The following RBFOX1 variants were observed in gnomAD, a reference collection of about 807,000 sequenced individuals.
RBFOX1 encodes RNA binding protein fox-1 homolog 1.
A neutral mutation model predicts 57.7 loss-of-function variants in RBFOX1; 8 were observed. The ratio of observed to expected loss-of-function variants is 0.14; its 90% CI spans 0.08 to 0.25. The LOEUF (loss-of-function observed/expected upper bound fraction) is 0.25, where lower values mean the gene tolerates loss of function less well. Among genes scored for constraint, RBFOX1 ranks in the 10% least tolerant of loss-of-function variants. The pLI, the probability that RBFOX1 is intolerant of heterozygous loss-of-function variation, is 1.00. For synonymous variants in RBFOX1, 326 were observed against 222.4 expected (o/e 1.47, Z -4.15); for missense variants, 611 against 548.5 (o/e 1.11, Z -1.14).
At chr16:7,450,478 G>A (rs1302840749) in intron 4 of RBFOX1, among the ~76,000 whole-genome samples, 1 of 151,038 alleles carries the variant, frequency 6.6e-6, no homozygotes, top group East Asian at 2.0e-4. Context: ...CTATACCACT[G>A]TGAATGTTAA....
intron 4 of RBFOX1, among the ~76,000 whole-genome samples, chr16:7,199,614 G>C (rs1386006783): frequency 6.6e-6 from 1 of 152,118 alleles, no homozygotes. Context: ...AAAAAGGCTG[G>C]GCAGTGCAGT....
intron 3 of RBFOX1, among the ~76,000 whole-genome samples, chr16:5,849,384 G>GT (rs1386666222): frequency 6.6e-6 from 1 of 152,038 alleles, no homozygotes; most frequent in Non-Finnish European, 1.5e-5. Flanking sequence ...CTTCCTCAAG[G>GT]TGTAGGAAAG....
chr16:6,904,310 C>A (rs1283790914), intron 3 of RBFOX1, among the ~76,000 whole-genome samples: 1 of 151,978 alleles, frequency 6.6e-6, no homozygotes, highest in African/African-American at 2.4e-5. Flanking sequence ...TGAAACCCAT[C>A]CATCTTTAGG....
At chr16:7,078,669 C>G (rs1216220245) in intron 4 of RBFOX1, among the ~76,000 whole-genome samples, 1 of 149,312 alleles carries the variant, frequency 6.7e-6, no homozygotes, top group Non-Finnish European at 1.5e-5. Flanking sequence ...TTTATTTTAT[C>G]TTATTTTATT....
rs893848103 is a variant in RBFOX1 at position 6,097,878 on chromosome 16, C to A, written c.-127+77886C>A. 2.6e-5 allele frequency among the ~76,000 whole-genome samples: 4 copies of A among 151,816 alleles called. No individual in the cohort carries two copies. Among genetic ancestry groups the A allele is most frequent in the African/African-American group, 9.7e-5 (4 of 41,306 alleles). On this transcript the variant is annotated intron_variant, in intron 1 of 15. Coordinates refer to ENST00000550418, the MANE Select transcript of RBFOX1 (RefSeq NM_018723.4). This position sits in a 1 kb window ranked among gnomAD's most constrained non-coding sequence, Gnocchi z 5.0. ...GGGGACGTGTCTGATTTGTGCATGG[C>A]TATTTTGCGATTTGCCATTGCTGGA... is the stretch of plus-strand genomic sequence containing the variant.
intron 1 of RBFOX1, among the ~76,000 whole-genome samples, chr16:5,335,786 G>A (rs912616552): frequency 6.6e-6 from 1 of 152,108 alleles, no homozygotes; most frequent in African/African-American, 2.4e-5. Context: ...CTGGTACCTC[G>A]TGGGTGTTCA....
At chr16:6,022,254 GT>G (rs35357946) in intron 1 of RBFOX1, among the ~76,000 whole-genome samples, 114,473 of 149,280 alleles carry the variant, frequency 0.77, 43,913 homozygotes, top group African/African-American at 0.82. Context: ...TAGCAAATCT[GT>G]TTTTTTTTTT....
intron 4 of RBFOX1, among the ~76,000 whole-genome samples, chr16:7,077,892 G>A (rs921301461): frequency 1.3e-5 from 2 of 152,130 alleles, no homozygotes; most frequent in African/African-American, 4.8e-5. Flanking sequence ...TAAGCAACTT[G>A]AGATTGTGCT....
chr16:6,569,450 A>C (rs1327730028), intron 2 of RBFOX1, among the ~76,000 whole-genome samples: 1 of 152,194 alleles, frequency 6.6e-6, no homozygotes, highest in Non-Finnish European at 1.5e-5. Context: ...GGATTATCCC[A>C]CAGCTAATCA....
At chr16:6,709,880 G>A (rs111690248) in intron 3 of RBFOX1, among the ~76,000 whole-genome samples, 102 of 152,238 alleles carry the variant, frequency 6.7e-4, no homozygotes, top group Non-Finnish European at 1.2e-3. Flanking sequence ...GAGAGGGAAC[G>A]GCCGGGGGCT....
intron 4 of RBFOX1, among the ~76,000 whole-genome samples, chr16:7,470,705 TG>T (rs1206983503): frequency 6.6e-6 from 1 of 151,848 alleles, no homozygotes; most frequent in Non-Finnish European, 1.5e-5. Context: ...AATATATAGA[TG>T]GGGGGAAAGA....
intron 3 of RBFOX1, among the ~76,000 whole-genome samples, chr16:6,878,249 C>G (rs1031935298): frequency 1.3e-5 from 2 of 152,162 alleles, no homozygotes; most frequent in African/African-American, 4.8e-5. Context: ...CTGAGCACTG[C>G]TTGAAGTTCT....
chr16:7,086,296 G>T, intron 4 of RBFOX1, among the ~76,000 whole-genome samples: 1 of 152,154 alleles, frequency 6.6e-6, no homozygotes, highest in Non-Finnish European at 1.5e-5. Flanking sequence ...TTTTCTCTGT[G>T]TGCCATGTAA....
chr16:6,093,703 C>G (rs1310775949), intron 1 of RBFOX1, among the ~76,000 whole-genome samples: 1 of 152,048 alleles, frequency 6.6e-6, no homozygotes, highest in Non-Finnish European at 1.5e-5. Flanking sequence ...CTCCCTGCAG[C>G]CTTAACCTCC....
intron 3 of RBFOX1, among the ~76,000 whole-genome samples, chr16:7,017,960 C>T (rs1269706551): frequency 6.6e-6 from 1 of 152,128 alleles, no homozygotes; most frequent in Non-Finnish European, 1.5e-5. Context: ...ATTAGGTGTG[C>T]CCCCTTTCTC....
At chr16:7,036,516 C>T (rs988286794) in intron 3 of RBFOX1, among the ~76,000 whole-genome samples, 13 of 151,790 alleles carry the variant, frequency 8.6e-5, no homozygotes, top group Non-Finnish European at 1.8e-4. Context: ...TGAGACCAGC[C>T]TGGGTGTCTG....
intron 1 of RBFOX1, among the ~76,000 whole-genome samples, chr16:6,114,999 A>G (rs976628609): frequency 4.6e-5 from 7 of 152,136 alleles, no homozygotes; most frequent in African/African-American, 1.7e-4. Context: ...GGGGTGGGTT[A>G]TTTAGAACTT....
chr16:6,514,613 G>T (rs116947992), intron 2 of RBFOX1, among the ~76,000 whole-genome samples: 23 of 152,126 alleles, frequency 1.5e-4, no homozygotes, highest in African/African-American at 4.3e-4. Context: ...CCACGCATTT[G>T]TGTACCCCTC....
At chr16:7,336,206 C>T (rs2096783936) in intron 4 of RBFOX1, among the ~76,000 whole-genome samples, 1 of 152,192 alleles carries the variant, frequency 6.6e-6, no homozygotes, top group African/African-American at 2.4e-5. Context: ...TTAGCCAAGC[C>T]ATGGACCATG....
Sources: allele counts gnomAD v4.1 joint callset (sites outside exome capture counted in the v4.1 genomes callset), GRCh38; gene constraint gnomAD v4.1.1; non-coding constraint Gnocchi (gnomAD v3.1); transcripts MANE v1.5; gene names NCBI Gene and HGNC (gene_info 2026-07-23, HGNC 2026-07-21).